Variants in SLIT1 observed in about 807,000 individuals in gnomAD.
SLIT1 encodes the protein slit guidance ligand 1.
Under a neutral mutation model 186.1 loss-of-function variants are expected in SLIT1, and 66 were observed. That is an observed-to-expected ratio of 0.35 (90% CI 0.29 to 0.44). SLIT1 has a LOEUF of 0.44. Among genes scored for constraint, SLIT1 ranks in the 20% least tolerant of loss-of-function variants. SLIT1 has a pLI of 1.00. For missense variants in SLIT1, 1,638 were observed against 2,037.4 expected (o/e 0.80, Z 3.77); for synonymous variants, 761 against 833.8 (o/e 0.91, Z 1.50).
At chr10:97,071,076 A>G (rs1262028136) in intron 4 of SLIT1, among the ~76,000 whole-genome samples, 2 of 152,148 alleles carry the variant, frequency 1.3e-5, no homozygotes, top group East Asian at 1.9e-4. Flanking sequence ...TCCCAATACA[A>G]TATTTTGTTA....
At chr10:97,083,054 G>A (rs970786182) in intron 4 of SLIT1, among the ~76,000 whole-genome samples, 3 of 152,072 alleles carry the variant, frequency 2.0e-5, no homozygotes, top group Non-Finnish European at 2.9e-5. Flanking sequence ...AGAGTAGCTA[G>A]GACTCTGGGC....
intron 4 of SLIT1, among the ~76,000 whole-genome samples, chr10:97,151,810 A>G (rs573576157): frequency 1.0e-3 from 158 of 152,304 alleles, no homozygotes; most frequent in African/African-American, 3.6e-3. Flanking sequence ...AGCCTGGCAC[A>G]CAACAACCTT....
chr10:97,028,526 T>C (rs1450878368), intron 25 of SLIT1, among the ~76,000 whole-genome samples: 2 of 152,236 alleles, frequency 1.3e-5, no homozygotes, highest in Non-Finnish European at 2.9e-5. Context: ...CATTTTTTCA[T>C]GTTCATGCCT....
chr10:97,129,129 C>T (rs970854713), intron 4 of SLIT1, among the ~76,000 whole-genome samples: 2 of 152,018 alleles, frequency 1.3e-5, no homozygotes, highest in Non-Finnish European at 2.9e-5. Flanking sequence ...TGGCCGGGTG[C>T]GGTGGCTCAC....
intron 1 of SLIT1, among the ~76,000 whole-genome samples, chr10:97,178,440 T>C (rs1287410750): frequency 1.3e-5 from 2 of 152,124 alleles, no homozygotes; most frequent in Non-Finnish European, 2.9e-5. Context: ...ATCAATAATG[T>C]CCAGGTCAAG....
chr10:97,066,139 T>G, intron 4 of SLIT1, 53 bp from the exon 5 acceptor site: 1 of 1,397,322 alleles, frequency 7.2e-7, no homozygotes, highest in Non-Finnish European at 1.0e-6. Context: ...AAGAGGTTCC[T>G]GCAGAGTGCT....
rs757038852 is a variant in SLIT1 at position 97,042,951 on chromosome 10, C to T, written c.2114G>A (p.Arg705Gln). The T allele has an allele frequency of 6.2e-6, 10 of 1,614,238 alleles. No homozygotes were observed. In the East Asian group the frequency reaches 6.7e-5, roughly 11 times the overall value. ...GGCCACGTCCTGCAGGGGAATCTGC[C>T]GCAAAAAGTCAGGGTTCTGGCATCG... Reference protein sequence around the residue: ...NPRCQNPDFLRQIPLQDVAFP... With the variant: ...NPRCQNPDFLQQIPLQDVAFP... The change falls in exon 20 of 37, where the codon CGG becomes CAG. Residue 705 changes from arginine (R) to glutamine (Q), a missense_variant. Arg to Gln is a conservative substitution (Grantham distance 43). Around this residue, in one of 3 missense-constraint regions of SLIT1, gnomAD observed 1,245 missense variants for 1,535.3 expected, o/e 0.81. Coordinates refer to ENST00000266058, the MANE Select transcript of SLIT1 (RefSeq NM_003061.3).
At chr10:97,101,276 C>T (rs894015220) in intron 4 of SLIT1, 32 of 152,186 alleles carry the variant, frequency 2.1e-4, no homozygotes, top group African/African-American at 7.2e-4. Context: ...ATGGAGCGCT[C>T]CTCCCCAGAC....
At chr10:97,171,753 A>G (rs1850191867) in intron 1 of SLIT1, among the ~76,000 whole-genome samples, 1 of 151,692 alleles carries the variant, frequency 6.6e-6, no homozygotes, top group Non-Finnish European at 1.5e-5. Flanking sequence ...CAGGAGCCGG[A>G]GGTTGCAGTG....
chr10:97,108,126 T>C (rs1849431247), intron 4 of SLIT1, among the ~76,000 whole-genome samples: 1 of 152,082 alleles, frequency 6.6e-6, no homozygotes, highest in Non-Finnish European at 1.5e-5. Flanking sequence ...ACCCCTACCA[T>C]CCTCCTCCTC....
chr10:97,065,727 C>T, intron 5 of SLIT1: 1 of 350,724 alleles, frequency 2.9e-6, no homozygotes, highest in Non-Finnish European at 5.4e-6. Context: ...ACTGTGCCAC[C>T]TAAATGGACT....
Position 97,063,744 on chromosome 10 carries a change from A to G in SLIT1, c.630-126T>C, listed in dbSNP as rs967950481. Reference sequence around the variant, plus strand: ...TTCAAGCCAAACACAGTCTACATTTAGTCAAGTAGACGGCTCAGCTCCAAC... The same window carrying G: ...TTCAAGCCAAACACAGTCTACATTTGGTCAAGTAGACGGCTCAGCTCCAAC... On this transcript the variant is annotated intron_variant, in intron 7 of 36. Coordinates refer to ENST00000266058, the MANE Select transcript of SLIT1 (RefSeq NM_003061.3). 4.5e-5 allele frequency: 47 copies of G among 1,043,606 alleles called. 1 individual carries two copies. The Admixed American group carries it at 5.7e-4, about 13-fold the overall frequency. The allele number at this position is 1,043,606 out of a possible 1,614,324, so 64.6% of individuals were successfully genotyped here.
At chr10:97,171,354 G>C (rs139884318) in intron 1 of SLIT1, among the ~76,000 whole-genome samples, 10 of 152,016 alleles carry the variant, frequency 6.6e-5, no homozygotes, top group Admixed American at 5.2e-4. Flanking sequence ...CTCTATCCTC[G>C]AGCCTGAGTC....
chr10:97,160,081 A>T (rs1589416032), intron 3 of SLIT1, among the ~76,000 whole-genome samples: 1 of 152,080 alleles, frequency 6.6e-6, no homozygotes, highest in African/African-American at 2.4e-5. Flanking sequence ...GCCACGGTAC[A>T]GTGCCAGGCC....
chr10:97,018,455 C>T (rs1848473289), intron 28 of SLIT1, 131 bp downstream of exon 28: 1 of 607,180 alleles, frequency 1.6e-6, no homozygotes, highest in East Asian at 2.9e-5. Flanking sequence ...ATGCCTGCCC[C>T]CGACAGTGCG....
chr10:97,135,389 C>T (rs1217273799), intron 4 of SLIT1, among the ~76,000 whole-genome samples: 1 of 152,196 alleles, frequency 6.6e-6, no homozygotes. Flanking sequence ...ACCCTCCTCC[C>T]TAGAATGGAG....
rs533287673 is a variant in SLIT1, at chr10:97,074,022, C to A, written c.414-7936G>T. Among the ~76,000 whole-genome samples, 42 of 152,254 alleles carry A rather than the reference C, an allele frequency of 2.8e-4. 1 individual carries two copies. The highest frequency in any genetic ancestry group is 9.6e-4 in the African/African-American group (40 of 41,550). The stretch of plus-strand genomic sequence containing the variant: ...TCCTTCACACCTCAGTCTACAAACA[C>A]CTCCCCTGAGCCTGAGTCAGCTGCT... On this transcript the variant is annotated intron_variant, in intron 4 of 36. Transcript: ENST00000266058.
rs1287503533 is a variant in SLIT1, at chr10:97,064,366, G to C, written c.558-127C>G. On this transcript the variant is annotated intron_variant, in intron 6 of 36. Transcript: ENST00000266058. ...GACCAGCACGGGGCTGGACATGGAG[G>C]AGCTAAGCCGAAGAGCATGAGGCAT... 3 of 764,654 alleles carry C rather than the reference G, an allele frequency of 3.9e-6. No individual in the cohort carries two copies. In the Admixed American group the frequency reaches 6.1e-5, roughly 16 times the overall value. The allele number at this position is 764,654 out of a possible 1,614,324, so 47.4% of individuals were successfully genotyped here.
In SLIT1 at chr10:97,045,907, C is replaced by T. The variant is rs1848729611; in HGVS notation, c.1853+747G>A. ...TGTCCAATATAGTAGCCACTAGCCA[C>T]ATGTAGCTATTTAGATTTAAATGCA... On this transcript the variant is annotated intron_variant, in intron 18 of 36. Transcript: ENST00000266058. 2.0e-5 allele frequency among the ~76,000 whole-genome samples: 3 copies of T among 152,190 alleles called. No homozygotes were observed. The South Asian group carries it at 6.2e-4, about 32-fold the overall frequency.
Sources: gnomAD v4.1 joint callset for allele counts (sites outside exome capture counted in the v4.1 genomes callset) on GRCh38, gnomAD v4.1.1 for gene constraint, gnomAD v4.1.1 regional missense constraint, MANE v1.5 for transcripts, NCBI Gene and HGNC (gene_info 2026-07-23, HGNC 2026-07-21) for gene names.